SUMF1: variants seen among roughly 807,000 people sequenced by gnomAD.
SUMF1 encodes sulfatase modifying factor 1.
In SUMF1, 48 loss-of-function variants were observed where a neutral mutation model predicts 47.6. The ratio of observed to expected loss-of-function variants is 1.01; its 90% CI spans 0.80 to 1.28. The LOEUF is 1.28. SUMF1 is among the 50% of genes most tolerant of loss of function. The pLI is 0.00. For synonymous variants in SUMF1, 230 were observed against 192.1 expected, an observed-to-expected ratio of 1.20 and a Z score of -1.63; for missense variants, 571 against 485.4, an observed-to-expected ratio of 1.18 and a Z score of -1.66.
At chr3:4,303,590 C>A (rs377382452) in intron 8 of SUMF1, 5 of 1,376,820 alleles carry the variant, frequency 3.6e-6, no homozygotes, top group East Asian at 3.1e-5. Flanking sequence ...TCTCCTCAAG[C>A]CGCCTCGCTG....
At chr3:4,396,364 A>G (rs1038025950) in intron 7 of SUMF1, among the ~76,000 whole-genome samples, 5 of 152,222 alleles carry the variant, frequency 3.3e-5, no homozygotes, top group African/African-American at 1.2e-4. Flanking sequence ...AAAGCACACA[A>G]TAAAAAGTCT....
At chr3:4,208,138 T>C (rs544103328) in intron 8 of SUMF1, among the ~76,000 whole-genome samples, 23 of 152,224 alleles carry the variant, frequency 1.5e-4, no homozygotes, top group African/African-American at 5.3e-4. Context: ...CCTAAATTGC[T>C]GGGGTTTTAC....
At chr3:4,115,816 C>T (rs528642496) in intron 8 of SUMF1, among the ~76,000 whole-genome samples, 1 of 152,002 alleles carries the variant, frequency 6.6e-6, no homozygotes, top group South Asian at 2.1e-4. Context: ...AGATACGAAA[C>T]GATATTTAAA....
chr3:4,246,809 A>G (rs1179597269), intron 8 of SUMF1, among the ~76,000 whole-genome samples: 1 of 152,128 alleles, frequency 6.6e-6, no homozygotes, highest in African/African-American at 2.4e-5. Flanking sequence ...TGACCTTTCT[A>G]TGTTTCCCTA....
intron 8 of SUMF1, among the ~76,000 whole-genome samples, chr3:4,144,720 A>C (rs1694153930): frequency 6.6e-6 from 1 of 152,136 alleles, no homozygotes; most frequent in Middle Eastern, 3.2e-3. Flanking sequence ...TCTATGTAAA[A>C]TCTACAGAGA....
At chr3:4,209,658 C>G (rs900109697) in intron 8 of SUMF1, among the ~76,000 whole-genome samples, 7 of 151,592 alleles carry the variant, frequency 4.6e-5, no homozygotes, top group African/African-American at 1.7e-4. Flanking sequence ...GAAAAAGAAA[C>G]ACCAAATGAT....
intron 8 of SUMF1, among the ~76,000 whole-genome samples, chr3:4,210,985 A>T (rs1695768104): frequency 6.6e-6 from 1 of 150,794 alleles, no homozygotes; most frequent in Non-Finnish European, 1.5e-5. Context: ...CTGTCCTCAA[A>T]CATCAACTCC....
intron 8 of SUMF1, among the ~76,000 whole-genome samples, chr3:4,306,265 CA>C (rs1412279325): frequency 1.3e-5 from 2 of 152,084 alleles, no homozygotes; most frequent in Non-Finnish European, 2.9e-5. Flanking sequence ...TTAATTAACT[CA>C]CTTTAAGCGT....
At chr3:4,199,565 G>T (rs1695498641) in intron 8 of SUMF1, among the ~76,000 whole-genome samples, 1 of 152,096 alleles carries the variant, frequency 6.6e-6, no homozygotes. Context: ...TTTCAAAGTG[G>T]CTATATCATT....
intron 3 of SUMF1, among the ~76,000 whole-genome samples, chr3:4,435,373 C>T (rs900595140): frequency 1.3e-5 from 2 of 152,070 alleles, no homozygotes; most frequent in African/African-American, 4.8e-5. Flanking sequence ...AGAGAAAAGA[C>T]TACTTTAAAA....
intron 8 of SUMF1, among the ~76,000 whole-genome samples, chr3:4,283,113 TTAGAGA>T (rs1469235120): frequency 6.6e-6 from 1 of 152,182 alleles, no homozygotes; most frequent in Non-Finnish European, 1.5e-5. Flanking sequence ...CTTTAGACTC[TTAGAGA>T]TAGAGAAATA....
intron 8 of SUMF1, among the ~76,000 whole-genome samples, chr3:4,277,488 C>T (rs185733900): frequency 5.9e-5 from 9 of 152,130 alleles, no homozygotes; most frequent in Non-Finnish European, 1.0e-4. Flanking sequence ...TAGAGAGATC[C>T]AGACCTAATA....
chr3:4,203,801 T>C (rs973070741), intron 8 of SUMF1, among the ~76,000 whole-genome samples: 2 of 151,940 alleles, frequency 1.3e-5, no homozygotes, highest in Admixed American at 6.6e-5. Flanking sequence ...GAAAATAACA[T>C]CTTGTAACTC....
At chr3:4,148,587 T>C (rs1195034963) in intron 8 of SUMF1, among the ~76,000 whole-genome samples, 1 of 152,148 alleles carries the variant, frequency 6.6e-6, no homozygotes, top group Non-Finnish European at 1.5e-5. Context: ...ACAATAAATA[T>C]TTTAGCCTTT....
chr3:4,136,172 A>G (rs1693924180), intron 8 of SUMF1, among the ~76,000 whole-genome samples: 1 of 152,184 alleles, frequency 6.6e-6, no homozygotes, highest in African/African-American at 2.4e-5. Context: ...TGCCAAGACA[A>G]TCCTAAGCCA....
intron 8 of SUMF1, among the ~76,000 whole-genome samples, chr3:4,326,522 G>GTTTTTTCTTTT (rs1698948598): frequency 7.8e-6 from 1 of 128,698 alleles, no homozygotes. Context: ...TTTTCCAAGG[G>GTTTTTTCTTTT]TTTTTTTTTT....
chr3:4,411,689 G>C (rs1385336885), intron 6 of SUMF1, among the ~76,000 whole-genome samples: 2 of 146,900 alleles, frequency 1.4e-5, no homozygotes, highest in African/African-American at 5.1e-5. Flanking sequence ...TTTTATAAAA[G>C]GGGGGAGAGC....
At chr3:4,433,778 C>A (rs1575216166) in intron 3 of SUMF1, among the ~76,000 whole-genome samples, 1 of 152,206 alleles carries the variant, frequency 6.6e-6, no homozygotes, top group Non-Finnish European at 1.5e-5. Context: ...GTATGCTGAA[C>A]ACACAGACCA....
intron 8 of SUMF1, among the ~76,000 whole-genome samples, chr3:4,230,312 C>A (rs1559591329): frequency 6.6e-6 from 1 of 152,062 alleles, no homozygotes; most frequent in Non-Finnish European, 1.5e-5. Context: ...ATTTCAGATG[C>A]CAATCATAAG....
Sources: allele counts gnomAD v4.1 joint callset (sites outside exome capture counted in the v4.1 genomes callset), GRCh38; gene constraint gnomAD v4.1.1; transcripts MANE v1.5; gene names NCBI Gene and HGNC (gene_info 2026-07-23, HGNC 2026-07-21).